ADGRL3: variants seen among roughly 807,000 people sequenced by gnomAD.
ADGRL3 encodes the protein adhesion G protein-coupled receptor L3.
ADGRL3 carries 62 observed loss-of-function variants against 153.5 expected under a neutral mutation model. The ratio of observed to expected loss-of-function variants is 0.40; its 90% CI spans 0.33 to 0.50. ADGRL3 has a LOEUF of 0.50. Among genes scored for constraint, ADGRL3 ranks in the 20% least tolerant of loss-of-function variants. The pLI, the probability that ADGRL3 is intolerant of heterozygous loss-of-function variation, is 0.47. For synonymous variants in ADGRL3, 710 were observed against 672.5 expected, an observed-to-expected ratio of 1.06 and a Z score of -0.86; for missense variants, 1,641 against 1,859.4, an observed-to-expected ratio of 0.88 and a Z score of 2.16.
intron 9 of ADGRL3, among the ~76,000 whole-genome samples, chr4:61,849,792 A>G (rs899951216): frequency 1.3e-5 from 2 of 152,148 alleles, no homozygotes; most frequent in African/African-American, 2.4e-5. Context: ...AGAAAATGCA[A>G]TCAACATAAC....
chr4:61,831,614 A>C (rs879014428), intron 9 of ADGRL3, among the ~76,000 whole-genome samples: 1 of 152,064 alleles, frequency 6.6e-6, no homozygotes. Flanking sequence ...CCCAGTGGAC[A>C]CTAGTCGTCA....
At chr4:61,870,236 T>G (rs1321538805) in intron 9 of ADGRL3, among the ~76,000 whole-genome samples, 2 of 152,008 alleles carry the variant, frequency 1.3e-5, no homozygotes, top group Non-Finnish European at 2.9e-5. Flanking sequence ...CAACAAATGG[T>G]TTTAAGACAA....
At chr4:61,291,212 A>C (rs62312929) in intron 1 of ADGRL3, among the ~76,000 whole-genome samples, 1 of 24,878 alleles carries the variant, frequency 4.0e-5, no homozygotes, top group African/African-American at 6.8e-5. Flanking sequence ...ACACACACAC[A>C]CACACGCACA....
intron 2 of ADGRL3, among the ~76,000 whole-genome samples, chr4:61,401,746 T>G (rs2096932453): frequency 6.6e-6 from 1 of 152,094 alleles, no homozygotes; most frequent in Admixed American, 6.6e-5. Flanking sequence ...TCTCCCAATG[T>G]GGTTCAAAAA....
chr4:61,546,050 A>T (rs1227586493), intron 4 of ADGRL3, among the ~76,000 whole-genome samples: 6 of 152,170 alleles, frequency 3.9e-5, no homozygotes, highest in Non-Finnish European at 8.8e-5. Flanking sequence ...AGCCCTGGTT[A>T]TCTCTTGCCT....
At chr4:61,889,348 C>T (rs781711313) in intron 9 of ADGRL3, among the ~76,000 whole-genome samples, 2 of 152,122 alleles carry the variant, frequency 1.3e-5, no homozygotes, top group Non-Finnish European at 2.9e-5. Flanking sequence ...AGCTGGGGAA[C>T]CACTGGTAAT....
At chr4:61,937,142 T>C (rs1474399017) in intron 15 of ADGRL3, among the ~76,000 whole-genome samples, 2 of 152,178 alleles carry the variant, frequency 1.3e-5, no homozygotes, top group Non-Finnish European at 2.9e-5. Flanking sequence ...CTGCCTCCAC[T>C]CTTTTGCCCT....
intron 9 of ADGRL3, among the ~76,000 whole-genome samples, chr4:61,815,716 G>T (rs1245049010): frequency 6.6e-6 from 1 of 152,154 alleles, no homozygotes; most frequent in South Asian, 2.1e-4. Flanking sequence ...GATGATTACG[G>T]CATAAGGCCA....
At chr4:61,818,305 G>A (rs1233901717) in intron 9 of ADGRL3, among the ~76,000 whole-genome samples, 3 of 152,284 alleles carry the variant, frequency 2.0e-5, no homozygotes, top group Middle Eastern at 3.4e-3. Context: ...AAGCTCCTTT[G>A]CCTCCATGTC....
chr4:62,007,580 A>T (rs2099166299), intron 21 of ADGRL3, among the ~76,000 whole-genome samples: 1 of 150,396 alleles, frequency 6.6e-6, no homozygotes, highest in Non-Finnish European at 1.5e-5. Flanking sequence ...GACATCTTAG[A>T]GTTCCATCCA....
rs543678821 is a variant in ADGRL3 at position 61,503,492 on chromosome 4, C to A, written c.55+6144C>A. On this transcript the variant is annotated intron_variant, in intron 3 of 26. Transcript: ENST00000683033. Reference sequence around the variant, plus strand: ...AATATAAAGTCATTGTTTTCTTATTCTTTGGATTACTATTTACTTTAATCC... The same window carrying A: ...AATATAAAGTCATTGTTTTCTTATTATTTGGATTACTATTTACTTTAATCC... Among the ~76,000 whole-genome samples, 4 of 151,858 alleles carry A rather than the reference C, an allele frequency of 2.6e-5. No homozygotes were observed. The East Asian group carries it at 5.8e-4, about 22-fold the overall frequency.
At chr4:61,906,910 C>T (rs576900137) in intron 11 of ADGRL3, among the ~76,000 whole-genome samples, 4 of 151,912 alleles carry the variant, frequency 2.6e-5, no homozygotes, top group African/African-American at 9.7e-5. Context: ...TTAGTTGTGC[C>T]CCTTTGAGCT....
chr4:62,002,846 T>C (rs1382394856), intron 21 of ADGRL3, among the ~76,000 whole-genome samples: 2 of 152,114 alleles, frequency 1.3e-5, no homozygotes, highest in Non-Finnish European at 2.9e-5. Context: ...AAATAGTATA[T>C]GTAAATATGA....
At chr4:61,362,229 C>G (rs934639828) in intron 1 of ADGRL3, among the ~76,000 whole-genome samples, 4 of 151,278 alleles carry the variant, frequency 2.6e-5, no homozygotes, top group Non-Finnish European at 5.9e-5. Context: ...TCTCAAGCTC[C>G]TGACCTCAAG....
chr4:61,791,228 A>C (rs1317577482), intron 8 of ADGRL3, among the ~76,000 whole-genome samples: 1 of 152,224 alleles, frequency 6.6e-6, no homozygotes, highest in Admixed American at 6.5e-5. Flanking sequence ...CTGTAAAATC[A>C]AAAGCAAGTT....
intron 5 of ADGRL3, among the ~76,000 whole-genome samples, chr4:61,633,213 C>T (rs1360595796): frequency 7.3e-6 from 1 of 136,496 alleles, no homozygotes; most frequent in Non-Finnish European, 1.6e-5. Flanking sequence ...CTTGATAAAA[C>T]TGTACCTGCG....
At chr4:62,067,515 TC>T (rs1743600170) in intron 25 of ADGRL3, among the ~76,000 whole-genome samples, 2 of 152,046 alleles carry the variant, frequency 1.3e-5, no homozygotes, top group African/African-American at 4.8e-5. Context: ...AACCTTTTTT[TC>T]CTCCATAGTT....
chr4:61,776,331 G>A (rs1294449121), intron 8 of ADGRL3, among the ~76,000 whole-genome samples: 1 of 152,150 alleles, frequency 6.6e-6, no homozygotes, highest in South Asian at 2.1e-4. Flanking sequence ...TATTATATGT[G>A]AATGAAGTAG....
intron 2 of ADGRL3, among the ~76,000 whole-genome samples, chr4:61,438,901 G>T (rs149493822): frequency 0.01 from 1,591 of 151,834 alleles, 26 homozygotes; most frequent in African/African-American, 0.036. Context: ...TAGAGACGGG[G>T]TTTCACCATT....
Sources: gnomAD v4.1 joint callset for allele counts (sites outside exome capture counted in the v4.1 genomes callset) on GRCh38, gnomAD v4.1.1 for gene constraint, MANE v1.5 for transcripts, NCBI Gene and HGNC (gene_info 2026-07-23, HGNC 2026-07-21) for gene names.